BANP: variants seen among roughly 807,000 people sequenced by gnomAD.
BANP encodes the protein protein BANP.
BANP carries 11 observed loss-of-function variants against 68.1 expected under a neutral mutation model. That is an observed-to-expected ratio of 0.16 (90% CI 0.10 to 0.27). The LOEUF (loss-of-function observed/expected upper bound fraction) is 0.27, where lower values mean the gene tolerates loss of function less well. BANP is among the 10% of genes least tolerant of loss of function. The pLI, the probability that BANP is intolerant of heterozygous loss-of-function variation, is 1.00. For synonymous variants in BANP, 329 were observed against 303.2 expected (o/e 1.09, Z -0.88); for missense variants, 504 against 722.7 (o/e 0.70, Z 3.47).
At chr16:88,066,174 A>T (rs551581141) in intron 12 of BANP, among the ~76,000 whole-genome samples, 48 of 152,256 alleles carry the variant, frequency 3.2e-4, no homozygotes, top group African/African-American at 1.1e-3. Flanking sequence ...GCCTTTCCTC[A>T]TGAAGGGGTC....
intron 5 of BANP, among the ~76,000 whole-genome samples, chr16:88,005,388 A>G (rs149496704): frequency 9.5e-4 from 144 of 152,280 alleles, no homozygotes; most frequent in African/African-American, 3.4e-3. Flanking sequence ...GCATATAGAG[A>G]AATTGTGCTC....
chr16:87,971,846 G>C (rs7188459), intron 1 of BANP, among the ~76,000 whole-genome samples: 44,596 of 152,060 alleles, frequency 0.29, 7,924 homozygotes, highest in East Asian at 0.49. Context: ...AGGGTGGAGT[G>C]TAGTGGTGCG....
chr16:87,965,603 TGGCTGGGCGG>T (rs148865880), intron 1 of BANP, among the ~76,000 whole-genome samples: 5,921 of 65,874 alleles, frequency 0.09, 255 homozygotes, highest in African/African-American at 0.21. Flanking sequence ...AGCGTTCGCA[TGGCTGGGCGG>T]GGCTGGGCGG....
chr16:88,017,955 C>T (rs9936008), intron 6 of BANP, among the ~76,000 whole-genome samples: 99,735 of 151,896 alleles, frequency 0.66, 35,008 homozygotes, highest in Non-Finnish European at 0.8. Context: ...GACGCCAGGC[C>T]GGCTGCTGAT....
chr16:88,041,024 C>A (rs2080652416), intron 11 of BANP, among the ~76,000 whole-genome samples: 1 of 152,230 alleles, frequency 6.6e-6, no homozygotes, highest in South Asian at 2.1e-4. Flanking sequence ...TCCGGCCATC[C>A]GTTTTCCGTC....
intron 13 of BANP, among the ~76,000 whole-genome samples, 186 bp downstream of exon 13, chr16:88,072,398 A>G (rs560775175): frequency 6.6e-6 from 1 of 152,394 alleles, no homozygotes; most frequent in East Asian, 1.9e-4. Flanking sequence ...GTGAGAAGGT[A>G]GATCCTGCCC....
At chr16:87,976,954 G>C (rs1415981542) in intron 2 of BANP, among the ~76,000 whole-genome samples, 1 of 152,126 alleles carries the variant, frequency 6.6e-6, no homozygotes, top group Non-Finnish European at 1.5e-5. Context: ...CATCATTTTT[G>C]GTGATTTCAG....
In BANP at chr16:88,002,157, T is replaced by C. The variant is rs538514069; in HGVS notation, c.363-2138T>C. On this transcript the variant is annotated intron_variant, in intron 4 of 13. Coordinates refer to ENST00000682872, the MANE Select transcript of BANP (RefSeq NM_001386991.1). This position sits in a 1 kb window ranked among gnomAD's most constrained non-coding sequence, Gnocchi z 4.6. ...AGACAGGATTCCATGTTGGTCCTGC[T>C]GTTTTTGGTTTTTATAACTCTGGGT... Among the ~76,000 whole-genome samples the C allele has an allele frequency of 2.6e-5, 4 of 152,336 alleles. No individual in the cohort carries two copies. In the South Asian group the frequency reaches 8.3e-4, roughly 32 times the overall value.
At chr16:88,050,516 T>A (rs2083006104) in intron 11 of BANP, among the ~76,000 whole-genome samples, 3 of 152,140 alleles carry the variant, frequency 2.0e-5, no homozygotes, top group African/African-American at 7.2e-5. Context: ...TTAATGGTTG[T>A]GTTGAGCATC....
intron 11 of BANP, among the ~76,000 whole-genome samples, chr16:88,040,875 G>C (rs903473411): frequency 1.6e-4 from 25 of 152,240 alleles, no homozygotes; most frequent in Non-Finnish European, 3.4e-4. Flanking sequence ...TAAGTTCCTA[G>C]ATCACTGAGG....
At chr16:88,040,333 C>T (rs1190448390) in intron 11 of BANP, among the ~76,000 whole-genome samples, 5 of 151,742 alleles carry the variant, frequency 3.3e-5, no homozygotes, top group Admixed American at 3.3e-4. Flanking sequence ...GCTTCGTCCT[C>T]CGGGCTGGCC....
intron 1 of BANP, among the ~76,000 whole-genome samples, chr16:87,955,553 C>A (rs1264217580): frequency 6.6e-6 from 1 of 152,190 alleles, no homozygotes; most frequent in Non-Finnish European, 1.5e-5. Flanking sequence ...CGGTTTTGCA[C>A]CAGTGTCCTC....
intron 4 of BANP, among the ~76,000 whole-genome samples, chr16:87,992,468 T>C (rs2066104415): frequency 2.0e-5 from 3 of 152,184 alleles, no homozygotes; most frequent in Admixed American, 2.0e-4. Context: ...CAGTGAAGCC[T>C]AGGTTTTTAA....
At chr16:87,961,617 G>A (rs2059173329) in intron 1 of BANP, among the ~76,000 whole-genome samples, 3 of 152,172 alleles carry the variant, frequency 2.0e-5, no homozygotes, top group Admixed American at 6.5e-5. Context: ...TCTCATTAAG[G>A]TTTTGTTGTT....
Position 88,035,314 on chromosome 16 carries a change from T to C in BANP, c.1201-9T>C, listed in dbSNP as rs778479953. On this transcript the variant is annotated splice_polypyrimidine_tract_variant and intron_variant, in intron 9 of 13. Coordinates refer to ENST00000682872, the MANE Select transcript of BANP (RefSeq NM_001386991.1). ...TTCTGATGCTTCTTGGTGTCTTTTC[T>C]TGCTGCGGATCCCACAGGGACACCT... is the stretch of plus-strand genomic sequence containing the variant. 6 of 1,604,576 alleles carry C rather than the reference T, an allele frequency of 3.7e-6. No individual in the cohort carries two copies. Among genetic ancestry groups the C allele is most frequent in the Non-Finnish European group, 5.1e-6 (6 of 1,175,838 alleles).
At chr16:87,988,520 C>G (rs1302079628) in intron 4 of BANP, among the ~76,000 whole-genome samples, 1 of 152,082 alleles carries the variant, frequency 6.6e-6, no homozygotes, top group Admixed American at 6.5e-5. Flanking sequence ...CCGCCTCGGC[C>G]TCCCAAAGTG....
chr16:88,040,744 G>A (rs2080565647), intron 11 of BANP, among the ~76,000 whole-genome samples: 1 of 152,240 alleles, frequency 6.6e-6, no homozygotes, highest in African/African-American at 2.4e-5. Flanking sequence ...GCCCTGGTGT[G>A]AGCACTGGCT....
chr16:88,043,978 G>A (rs1245153429), intron 11 of BANP, among the ~76,000 whole-genome samples: 1 of 152,188 alleles, frequency 6.6e-6, no homozygotes, highest in African/African-American at 2.4e-5. Flanking sequence ...AAAATTGATG[G>A]TTTTTTTATG....
chr16:87,990,831 C>T lies in BANP; in HGVS notation c.362+6572C>T, dbSNP rs534876141. On this transcript the variant is annotated intron_variant, in intron 4 of 13. Coordinates refer to ENST00000682872, the MANE Select transcript of BANP (RefSeq NM_001386991.1). ...AGGCTGGAGTGCAGTGGCGCAATCT[C>T]GGCTCACTGCAACCTCCGCCTCCCA... Among the ~76,000 whole-genome samples the T allele has an allele frequency of 1.2e-4, 18 of 152,246 alleles. No homozygotes were observed. In the South Asian group the frequency reaches 3.3e-3, roughly 28 times the overall value.
Sources: allele counts gnomAD v4.1 joint callset (sites outside exome capture counted in the v4.1 genomes callset), GRCh38; gene constraint gnomAD v4.1.1; non-coding constraint Gnocchi (gnomAD v3.1); transcripts MANE v1.5; gene names NCBI Gene and HGNC (gene_info 2026-07-23, HGNC 2026-07-21).